PRSS12: variants seen among roughly 807,000 people sequenced by gnomAD.
PRSS12 encodes neurotrypsin.
Under a neutral mutation model 104.4 loss-of-function variants are expected in PRSS12, and 85 were observed. That is an observed-to-expected ratio of 0.81 (90% CI 0.68 to 0.98). The LOEUF is 0.98. PRSS12 is among the 50% of genes least tolerant of loss of function. PRSS12 has a pLI of 0.00. For synonymous variants in PRSS12, 454 were observed against 425.2 expected, an observed-to-expected ratio of 1.07 and a Z score of -0.83; for missense variants, 1,141 against 1,139.2, an observed-to-expected ratio of 1.00 and a Z score of -0.02.
rs888471080 is a variant in PRSS12 at position 118,281,804 on chromosome 4, G to C, written c.*132C>G. The C allele has an allele frequency of 6.7e-5, 47 of 703,222 alleles. No homozygotes were observed. The highest frequency in any genetic ancestry group is 1.0e-4 in the Non-Finnish European group (40 of 383,332). The allele number at this position is 703,222 out of a possible 1,614,324, so 43.6% of individuals were successfully genotyped here. On this transcript the variant is annotated 3_prime_UTR_variant, in exon 13 of 13. Coordinates refer to ENST00000296498, the MANE Select transcript of PRSS12 (RefSeq NM_003619.4). Reference sequence around the variant, plus strand: ...ACAAATTTCTCAAAAGCAGCAGGGGGTACACAATTTTTTACCACAACACAA... The same window carrying C: ...ACAAATTTCTCAAAAGCAGCAGGGGCTACACAATTTTTTACCACAACACAA...
At chr4:118,349,247 G>C (rs961244814) in intron 1 of PRSS12, among the ~76,000 whole-genome samples, 3 of 151,892 alleles carry the variant, frequency 2.0e-5, no homozygotes, top group African/African-American at 7.3e-5. Flanking sequence ...TTTCTTTAAA[G>C]AAAAAAATAT....
intron 11 of PRSS12, among the ~76,000 whole-genome samples, chr4:118,284,007 C>T (rs996238287): frequency 1.3e-5 from 2 of 152,048 alleles, no homozygotes; most frequent in African/African-American, 4.8e-5. Flanking sequence ...AAAATAGAAG[C>T]AATATTTACC....
chr4:118,309,983 G>A (rs1362982868), intron 7 of PRSS12, among the ~76,000 whole-genome samples: 1 of 152,132 alleles, frequency 6.6e-6, no homozygotes, highest in African/African-American at 2.4e-5. Flanking sequence ...ATGGGACAAG[G>A]CAGTATAGCG....
intron 4 of PRSS12, among the ~76,000 whole-genome samples, chr4:118,320,742 A>G (rs1158806129): frequency 8.6e-5 from 13 of 151,936 alleles, no homozygotes; most frequent in Admixed American, 6.6e-5. Flanking sequence ...GACACAGAGA[A>G]ATCCTGTCTC....
chr4:118,323,395 T>C (rs1438919593), intron 4 of PRSS12, among the ~76,000 whole-genome samples: 1 of 151,302 alleles, frequency 6.6e-6, no homozygotes, highest in Non-Finnish European at 1.5e-5. Flanking sequence ...TACGGAAGAA[T>C]ATAAAATTTG....
intron 6 of PRSS12, 61 bp from the exon 7 acceptor site, chr4:118,313,458 A>C: frequency 6.4e-7 from 1 of 1,554,494 alleles, no homozygotes; most frequent in Non-Finnish European, 8.9e-7. Flanking sequence ...GGGAACCACA[A>C]AACATTTAAC....
rs1724565269 is a variant in PRSS12 at position 118,352,937 on chromosome 4, G to A, written c.-217C>T. ...TCCCCTGGCGGCGGCCGCGGGTGGG[G>A]AAATCTGGAGCTCAGCCGAGCCCCG... On this transcript the variant is annotated 5_prime_UTR_variant, in exon 1 of 13. Transcript: ENST00000296498. The A allele has an allele frequency of 8.8e-6, 11 of 1,246,232 alleles. No individual in the cohort carries two copies. The highest frequency in any genetic ancestry group is 1.6e-5 in the African/African-American group (1 of 62,370). 77.2% of individuals were successfully genotyped at this position (1,246,232 alleles called of 1,614,324 possible). A position where few individuals can be genotyped will look rare whatever the true frequency, so the allele number is the denominator to read the frequency against.
Position 118,340,690 on chromosome 4 carries a change from G to A in PRSS12, c.503-2376C>T, listed in dbSNP as rs555131468. ...CTGCCTTCTGAAGGTTCACTGACAA[G>A]AGGCATACTATTAGGATAAAAGGCA... On this transcript the variant is annotated intron_variant, in intron 1 of 12. Coordinates refer to ENST00000296498, the MANE Select transcript of PRSS12 (RefSeq NM_003619.4). 2.0e-5 allele frequency among the ~76,000 whole-genome samples: 3 copies of A among 152,326 alleles called. No individual in the cohort carries two copies. The South Asian group carries it at 6.2e-4, about 32-fold the overall frequency.
At chr4:118,334,454 G>C (rs1362577149) in intron 3 of PRSS12, among the ~76,000 whole-genome samples, 4 of 151,984 alleles carry the variant, frequency 2.6e-5, no homozygotes, top group Non-Finnish European at 5.9e-5. Context: ...CATCCTTGAA[G>C]CAGCATTGGA....
In PRSS12 at chr4:118,282,160, A is replaced by G. The variant is rs1443061552; in HGVS notation, c.2404T>C (p.Phe802Leu). 6.2e-7 allele frequency: 1 copy of G among 1,614,176 alleles called. No individual in the cohort carries two copies. The highest frequency in any genetic ancestry group is 1.1e-5 in the South Asian group (1 of 91,086). ...RFCEERYKGR[F>L]TGRMLCAGNL... ...CCAGCACAAAGCATTCTCCCTGTAA[A>G]CCGACCCTTATAACGTTCTTCACAA... Residue 802 changes from phenylalanine to leucine, a missense_variant, in exon 13 of 13, where the codon TTT (phenylalanine) becomes CTT (leucine). Phe to Leu is a conservative substitution (Grantham distance 22). Coordinates refer to ENST00000296498, the MANE Select transcript of PRSS12 (RefSeq NM_003619.4).
intron 1 of PRSS12, among the ~76,000 whole-genome samples, chr4:118,348,598 C>T (rs147834904): frequency 1.3e-3 from 191 of 152,144 alleles, no homozygotes; most frequent in Middle Eastern, 3.4e-3. Context: ...TCTAAATGCT[C>T]ATAATGAGAC....
At chr4:118,284,499 A>G (rs1382646504) in intron 11 of PRSS12, among the ~76,000 whole-genome samples, 2 of 152,142 alleles carry the variant, frequency 1.3e-5, no homozygotes, top group African/African-American at 2.4e-5. Context: ...TCTCCACCTC[A>G]TCTCAGCCAC....
chr4:118,319,520 A>C (rs927385172), intron 4 of PRSS12, among the ~76,000 whole-genome samples: 2 of 152,138 alleles, frequency 1.3e-5, no homozygotes, highest in Non-Finnish European at 2.9e-5. Context: ...CAAACAAGAG[A>C]GATTCGGGGC....
chr4:118,350,305 C>T (rs1724461556), intron 1 of PRSS12, among the ~76,000 whole-genome samples: 1 of 152,204 alleles, frequency 6.6e-6, no homozygotes, highest in African/African-American at 2.4e-5. Flanking sequence ...ATATTCTTTT[C>T]ACCACTCCAT....
At chr4:118,300,243 C>T (rs981919202) in intron 8 of PRSS12, among the ~76,000 whole-genome samples, 1 of 151,968 alleles carries the variant, frequency 6.6e-6, no homozygotes, top group Non-Finnish European at 1.5e-5. Flanking sequence ...CAACTCCTGA[C>T]CTCAAGCGAT....
At chr4:118,283,288 G>T (rs1262658865) in intron 11 of PRSS12, among the ~76,000 whole-genome samples, 177 bp from the exon 12 acceptor site, 1 of 152,146 alleles carries the variant, frequency 6.6e-6, no homozygotes, top group Non-Finnish European at 1.5e-5. Flanking sequence ...CAAACCCATT[G>T]TCATAACCTC....
rs1299530588 is a variant in PRSS12 at position 118,295,848 on chromosome 4, A to T, written c.1846T>A (p.Ser616Thr). 5.0e-6 allele frequency: 8 copies of T among 1,613,990 alleles called. No individual in the cohort carries two copies. In the South Asian group the frequency reaches 8.8e-5, roughly 18 times the overall value. ...AGTAATCTCAAGCCACAAACAGATG[A>T]GAGGGACTCTGAAGCAGAAATAGGT... Reference protein sequence around the residue: ...ASGNSNKESLSSVCGLRLLHR... With the variant: ...ASGNSNKESLTSVCGLRLLHR... The change falls in exon 10 of 13, where the codon TCA becomes ACA. Residue 616 changes from serine (S) to threonine (T), a missense_variant. Coordinates refer to ENST00000296498, the MANE Select transcript of PRSS12 (RefSeq NM_003619.4).
At chr4:118,283,586 A>G (rs113728229) in intron 11 of PRSS12, among the ~76,000 whole-genome samples, 7 of 152,308 alleles carry the variant, frequency 4.6e-5, no homozygotes, top group African/African-American at 1.4e-4. Flanking sequence ...CTCTAAAGTG[A>G]ATGCAAACCC....
At chr4:118,332,960 AAGG>A (rs1022547234) in intron 3 of PRSS12, among the ~76,000 whole-genome samples, 1 of 152,174 alleles carries the variant, frequency 6.6e-6, no homozygotes, top group African/African-American at 2.4e-5. Flanking sequence ...GCGTCGATAA[AAGG>A]AGTACAGACA....
Sources: allele counts gnomAD v4.1 joint callset (sites outside exome capture counted in the v4.1 genomes callset), GRCh38; gene constraint gnomAD v4.1.1; transcripts MANE v1.5; gene names NCBI Gene and HGNC (gene_info 2026-07-23, HGNC 2026-07-21).